Variants in ANO6 observed in about 807,000 individuals in gnomAD.
ANO6 encodes the protein anoctamin 6, also known as anoctamin-6.
In ANO6, 106 loss-of-function variants were observed where a neutral mutation model predicts 117.5. The observed-to-expected ratio is 0.90, with a 90% confidence interval of 0.77 to 1.06. ANO6 has a LOEUF of 1.06. ANO6 is among the 50% of genes least tolerant of loss of function. The pLI, the probability that ANO6 is intolerant of heterozygous loss-of-function variation, is 0.00. For missense variants in ANO6, 955 were observed against 1,121.1 expected, an observed-to-expected ratio of 0.85 and a Z score of 2.12; for synonymous variants, 367 against 385.1, an observed-to-expected ratio of 0.95 and a Z score of 0.55.
intron 9 of ANO6, among the ~76,000 whole-genome samples, chr12:45,371,720 T>A (rs961156233): frequency 1.2e-4 from 18 of 152,018 alleles, no homozygotes; most frequent in African/African-American, 4.1e-4. Flanking sequence ...TACATCACCA[T>A]CATCAAAGAT....
At chr12:45,270,517 C>A in intron 1 of ANO6, 1 of 1,201,202 alleles carries the variant, frequency 8.3e-7, no homozygotes, top group Admixed American at 2.2e-5. Context: ...ACCTCCCATC[C>A]AGCCTGGGTA....
intron 2 of ANO6, among the ~76,000 whole-genome samples, chr12:45,316,896 GT>G (rs984282856): frequency 8.2e-5 from 12 of 147,006 alleles, no homozygotes; most frequent in African/African-American, 2.2e-4. Flanking sequence ...CGACCTCAGA[GT>G]TTTTTTTTAA....
chr12:45,335,714 T>A (rs1414923770), intron 3 of ANO6: 1 of 152,046 alleles, frequency 6.6e-6, no homozygotes, highest in East Asian at 1.9e-4. Context: ...TAAGAGATAT[T>A]CAACCTGTAG....
At chr12:45,265,243 T>A (rs922201282) in intron 1 of ANO6, among the ~76,000 whole-genome samples, 5 of 152,124 alleles carry the variant, frequency 3.3e-5, no homozygotes, top group Non-Finnish European at 4.4e-5. Context: ...ATTTCAGACA[T>A]CTCTTCCTCC....
intron 1 of ANO6, among the ~76,000 whole-genome samples, chr12:45,224,916 C>T (rs779438392): frequency 2.0e-5 from 3 of 152,128 alleles, no homozygotes; most frequent in Non-Finnish European, 4.4e-5. Context: ...AAGGGCCGGA[C>T]ATGATGGGTC....
chr12:45,429,431 T>C lies in ANO6; in HGVS notation c.*120T>C, dbSNP rs1943583586. ...CAAATATGAGTCTCAACTATTGCCATTTCCTCATGTATTATTTTTCAGTTT... is the reference window on the plus strand; with the variant it reads ...CAAATATGAGTCTCAACTATTGCCACTTCCTCATGTATTATTTTTCAGTTT... On this transcript the variant is annotated 3_prime_UTR_variant, in exon 20 of 20. Coordinates refer to ENST00000320560, the MANE Select transcript of ANO6 (RefSeq NM_001025356.3). The C allele has an allele frequency of 6.6e-7, 1 of 1,510,040 alleles. No homozygotes were observed. The highest frequency in any genetic ancestry group is 1.4e-5 in the African/African-American group (1 of 71,584). 93.5% of individuals were successfully genotyped at this position (1,510,040 alleles called of 1,614,324 possible).
intron 11 of ANO6, among the ~76,000 whole-genome samples, chr12:45,389,817 G>A (rs1253196656): frequency 1.3e-5 from 2 of 152,170 alleles, no homozygotes; most frequent in Non-Finnish European, 2.9e-5. Context: ...TTAATGTATA[G>A]AAGCTACTTA....
chr12:45,315,043 G>A lies in ANO6; in HGVS notation c.150+12950G>A, dbSNP rs540252819. The stretch of plus-strand genomic sequence containing the variant: ...GAAAGATAATGTGGAATGTAGAAAT[G>A]TTGGACTAAAGAGTTTGGGCTTTTG... On this transcript the variant is annotated intron_variant, in intron 2 of 19. Transcript: ENST00000320560. Among the ~76,000 whole-genome samples the A allele has an allele frequency of 4.0e-4, 61 of 152,146 alleles. 1 individual carries two copies. Among genetic ancestry groups the A allele is most frequent in the African/African-American group, 1.5e-3 (61 of 41,530 alleles).
chr12:45,250,761 T>TAAAAAAAAAAAAAAAA (rs1237444756), intron 1 of ANO6, among the ~76,000 whole-genome samples: 1 of 116,562 alleles, frequency 8.6e-6, no homozygotes. Flanking sequence ...TCTGGTTACT[T>TAAAAAAAAAAAAAAAA]AAAAAAAAAA....
intron 17 of ANO6, among the ~76,000 whole-genome samples, chr12:45,419,089 A>G (rs1228685942): frequency 6.6e-6 from 1 of 152,250 alleles, no homozygotes; most frequent in African/African-American, 2.4e-5. Flanking sequence ...CATTCATTTT[A>G]AAGCTGCTGG....
chr12:45,227,478 C>G (rs927973885), intron 1 of ANO6, among the ~76,000 whole-genome samples: 4 of 152,182 alleles, frequency 2.6e-5, no homozygotes, highest in Admixed American at 6.5e-5. Context: ...GCTTCTCAGC[C>G]TCTCTGAGCC....
downstream of ANO6, among the ~76,000 whole-genome samples, chr12:45,437,031 C>T (rs1159134955): frequency 2.6e-5 from 4 of 152,156 alleles, no homozygotes; most frequent in African/African-American, 4.8e-5. Context: ...ATACCTTAAC[C>T]TTCCTCTGTC....
intron 7 of ANO6, among the ~76,000 whole-genome samples, chr12:45,353,269 G>A (rs1054573006): frequency 2.0e-5 from 3 of 151,396 alleles, no homozygotes; most frequent in Non-Finnish European, 4.4e-5. Context: ...TTTTATCACC[G>A]AGATTACAGT....
At position 45,399,252 on chromosome 12, in the gene ANO6, A is replaced by G. The variant is rs1249708213; in HGVS notation, c.1387-2543A>G. Among the ~76,000 whole-genome samples, 7 of 152,068 alleles carry G rather than the reference A, an allele frequency of 4.6e-5. No homozygotes were observed. The East Asian group carries it at 1.2e-3, about 25-fold the overall frequency. On this transcript the variant is annotated intron_variant, in intron 12 of 19. Coordinates refer to ENST00000320560, the MANE Select transcript of ANO6 (RefSeq NM_001025356.3). ...CGCTCTGTCGCCCAGGCTGAAGTGC[A>G]ATGCGTGGTCTCAGCTCACTGCAAC...
At chr12:45,404,836 C>G (rs1228934521) in intron 15 of ANO6, among the ~76,000 whole-genome samples, 1 of 152,170 alleles carries the variant, frequency 6.6e-6, no homozygotes, top group Non-Finnish European at 1.5e-5. Context: ...CCATGTTGCC[C>G]TCTTGCCTCC....
intron 1 of ANO6, among the ~76,000 whole-genome samples, chr12:45,281,285 CTT>C (rs977396560): frequency 3.9e-5 from 6 of 152,170 alleles, no homozygotes; most frequent in African/African-American, 1.4e-4. Context: ...CTTGTAGTCT[CTT>C]TTTAACCAGC....
chr12:45,257,199 T>C (rs942399384), intron 1 of ANO6, among the ~76,000 whole-genome samples: 1 of 152,212 alleles, frequency 6.6e-6, no homozygotes, highest in Non-Finnish European at 1.5e-5. Flanking sequence ...TTGGCTTCTG[T>C]TCTCACATTT....
chr12:45,377,406 C>T (rs1942057653), intron 9 of ANO6, among the ~76,000 whole-genome samples: 3 of 152,212 alleles, frequency 2.0e-5, no homozygotes, highest in South Asian at 4.2e-4. Context: ...TGGCCAGATA[C>T]GTTATTTATC....
At chr12:45,328,208 T>TC (rs1261536901) in intron 2 of ANO6, among the ~76,000 whole-genome samples, 1 of 152,068 alleles carries the variant, frequency 6.6e-6, no homozygotes, top group Non-Finnish European at 1.5e-5. Flanking sequence ...GCTCATTTAC[T>TC]CCCTACAGCA....
Sources: gnomAD v4.1 joint callset for allele counts (sites outside exome capture counted in the v4.1 genomes callset) on GRCh38, gnomAD v4.1.1 for gene constraint, MANE v1.5 for transcripts, NCBI Gene and HGNC (gene_info 2026-07-23, HGNC 2026-07-21) for gene names.